EPB41L3: variants seen among roughly 807,000 people sequenced by gnomAD.
The protein encoded by EPB41L3 is band 4.1-like protein 3.
A neutral mutation model predicts 127.1 loss-of-function variants in EPB41L3; 57 were observed. The observed-to-expected ratio is 0.45, with a 90% CI of 0.36 to 0.56. EPB41L3 has a LOEUF of 0.56. Among genes scored for constraint, EPB41L3 ranks in the 20% least tolerant of loss-of-function variants. The pLI is 0.00. For synonymous variants in EPB41L3, 572 were observed against 549.5 expected (o/e 1.04, Z -0.57); for missense variants, 1,273 against 1,372.2 (o/e 0.93, Z 1.14).
intron 3 of EPB41L3, among the ~76,000 whole-genome samples, chr18:5,597,067 G>A (rs1053669805): frequency 6.6e-6 from 1 of 152,046 alleles, no homozygotes; most frequent in Non-Finnish European, 1.5e-5. Flanking sequence ...CTGAAAAGAA[G>A]GAAAAGGAAG....
intron 4 of EPB41L3, 54 bp from the exon 5 acceptor site, chr18:5,443,934 A>C: frequency 1.4e-6 from 2 of 1,472,904 alleles, no homozygotes; most frequent in Non-Finnish European, 1.9e-6. Context: ...AAAATGACTT[A>C]ATGTTGATTA....
At chr18:5,542,600 T>C (rs914916667) in intron 1 of EPB41L3, among the ~76,000 whole-genome samples, 10 of 152,066 alleles carry the variant, frequency 6.6e-5, no homozygotes, top group Non-Finnish European at 2.9e-5. Flanking sequence ...TGCCCGGCCC[T>C]CTCAGGACCT....
At chr18:5,488,928 G>A in intron 2 of EPB41L3, 73 bp downstream of exon 2, 2 of 1,474,094 alleles carry the variant, frequency 1.4e-6, no homozygotes, top group South Asian at 1.4e-5. Context: ...CTAGGGCTAA[G>A]AGACCAAGGT....
chr18:5,626,954 C>T (rs2094929103), intron 1 of EPB41L3, among the ~76,000 whole-genome samples: 1 of 152,126 alleles, frequency 6.6e-6, no homozygotes. Flanking sequence ...GAGATGGAAA[C>T]TGCTCTTAAG....
chr18:5,426,334 T>C (rs1320506894), intron 9 of EPB41L3, among the ~76,000 whole-genome samples: 2 of 152,178 alleles, frequency 1.3e-5, no homozygotes, highest in African/African-American at 4.8e-5. Flanking sequence ...CTCCATTGGC[T>C]TCAATCATGC....
intron 3 of EPB41L3, chr18:5,570,243 T>G (rs1420577577): frequency 6.6e-6 from 1 of 152,174 alleles, no homozygotes; most frequent in East Asian, 1.9e-4. Flanking sequence ...ATATTTAGAA[T>G]GAGAATACAT....
At chr18:5,526,496 C>T (rs2093225901) in intron 1 of EPB41L3, among the ~76,000 whole-genome samples, 1 of 152,132 alleles carries the variant, frequency 6.6e-6, no homozygotes, top group Admixed American at 6.5e-5. Flanking sequence ...AGGACTGTAA[C>T]TGAATATAAA....
intron 2 of EPB41L3, among the ~76,000 whole-genome samples, chr18:5,482,429 G>A (rs1212031493): frequency 6.6e-6 from 1 of 152,146 alleles, no homozygotes; most frequent in Admixed American, 6.5e-5. Context: ...AGAGCAAAGG[G>A]TAGAAAGCAT....
At chr18:5,556,185 T>G (rs1198083414) in intron 3 of EPB41L3, among the ~76,000 whole-genome samples, 1 of 152,238 alleles carries the variant, frequency 6.6e-6, no homozygotes, top group Non-Finnish European at 1.5e-5. Flanking sequence ...ACATAATGGT[T>G]AGGTTTCAGC....
In EPB41L3 at chr18:5,396,324, C is replaced by A; in HGVS notation, c.2850G>T (p.Thr950=). Residue 950 remains threonine, a synonymous_variant, in exon 19 of 23, where the codon ACG becomes ACT. Coordinates refer to ENST00000341928, the MANE Select transcript of EPB41L3 (RefSeq NM_012307.5). ...LEQKPHFESS[T]VKTETISFGS... ...CAAAACTGATGGTTTCCGTCTTCAC[C>A]GTTGAGGACTGTGCCAAAGGGGAGT... 6.2e-7 allele frequency: 1 copy of A among 1,614,066 alleles called. No individual in the cohort carries two copies. The highest frequency in any genetic ancestry group is 1.1e-5 in the South Asian group (1 of 91,074).
intron 3 of EPB41L3, among the ~76,000 whole-genome samples, chr18:5,577,178 G>C (rs911050257): frequency 6.6e-6 from 1 of 152,244 alleles, no homozygotes; most frequent in Non-Finnish European, 1.5e-5. Flanking sequence ...AACATTTTAA[G>C]AGGCATCATG....
intron 1 of EPB41L3, among the ~76,000 whole-genome samples, chr18:5,499,249 AT>A (rs1366942453): frequency 1.3e-5 from 2 of 152,160 alleles, no homozygotes; most frequent in Non-Finnish European, 2.9e-5. Context: ...CAAGAATTAA[AT>A]CTGAGTTCTG....
chr18:5,417,743 T>C (rs2076998763), intron 12 of EPB41L3, among the ~76,000 whole-genome samples: 1 of 152,220 alleles, frequency 6.6e-6, no homozygotes, highest in Non-Finnish European at 1.5e-5. Context: ...TTGAAGGGTC[T>C]CTTTTTACGA....
chr18:5,526,024 C>T lies in EPB41L3; in HGVS notation c.-12+17889G>A, dbSNP rs183910091. 2.5e-3 allele frequency among the ~76,000 whole-genome samples: 385 copies of T among 152,144 alleles called. 2 individuals carry two copies. Among genetic ancestry groups the T allele is most frequent in the African/African-American group, 8.9e-3 (369 of 41,492 alleles). ...TATCAGATAAAAGGCCACCAAGAAA[C>T]GAGACAGCTCTATCAGGCAATTCCA... On this transcript the variant is annotated intron_variant, in intron 1 of 22. Coordinates refer to ENST00000341928, the MANE Select transcript of EPB41L3 (RefSeq NM_012307.5).
chr18:5,417,452 A>G (rs1029227340), intron 12 of EPB41L3, among the ~76,000 whole-genome samples: 2 of 152,172 alleles, frequency 1.3e-5, no homozygotes, highest in African/African-American at 4.8e-5. Context: ...GCAAGCCCCA[A>G]GCAGGACCTG....
rs1187801883 is a variant in EPB41L3 at position 5,406,943 on chromosome 18, A to G, written c.2183T>C (p.Leu728Pro). 6.2e-7 allele frequency: 1 copy of G among 1,614,184 alleles called. No individual in the cohort carries two copies. The highest frequency in any genetic ancestry group is 1.1e-5 in the South Asian group (1 of 91,080). Reference protein sequence around the residue: ...AQELEKTQDDLMKHQTNISEL... With the variant: ...AQELEKTQDDPMKHQTNISEL... ...GCTAATGTTGGTTTGATGTTTCATC[A>G]GGTCATCTTGAGTTTTTTCTAGCTC... is the stretch of plus-strand genomic sequence containing the variant. Residue 728 changes from leucine (L) to proline (P), a missense_variant, in exon 16 of 23, where the codon CTG becomes CCG. Physicochemically the swap from Leu to Pro is moderately conservative, Grantham distance 98. Around this residue, in one of 3 missense-constraint regions of EPB41L3, gnomAD observed 765 missense variants for 782.9 expected, o/e 0.98. Coordinates refer to ENST00000341928, the MANE Select transcript of EPB41L3 (RefSeq NM_012307.5).
At chr18:5,419,682 A>C (rs1395157452) in intron 12 of EPB41L3, 29 bp downstream of exon 12, 1 of 1,612,312 alleles carries the variant, frequency 6.2e-7, no homozygotes, top group African/African-American at 1.3e-5. Context: ...AGCTGGAGCA[A>C]GCTCTTGCAG....
At chr18:5,553,240 G>A (rs1367343262) in intron 3 of EPB41L3, among the ~76,000 whole-genome samples, 1 of 152,186 alleles carries the variant, frequency 6.6e-6, no homozygotes, top group Non-Finnish European at 1.5e-5. Context: ...TACCTCTGCT[G>A]TGTGCCACAC....
At chr18:5,398,992 G>A in intron 16 of EPB41L3, 1 of 399,104 alleles carries the variant, frequency 2.5e-6, no homozygotes, top group Admixed American at 4.4e-5. Flanking sequence ...TCATCAGCGA[G>A]GGTTTCCAGG....
Sources: gnomAD v4.1 joint callset for allele counts (sites outside exome capture counted in the v4.1 genomes callset) on GRCh38, gnomAD v4.1.1 for gene constraint, gnomAD v4.1.1 regional missense constraint, MANE v1.5 for transcripts, NCBI Gene and HGNC (gene_info 2026-07-23, HGNC 2026-07-21) for gene names.